The following CREB3L2 variants were observed in gnomAD, a reference collection of about 807,000 sequenced individuals.
The protein encoded by CREB3L2 is cyclic AMP-responsive element-binding protein 3-like protein 2.
CREB3L2 carries 23 observed loss-of-function variants against 57.2 expected under a neutral mutation model. The ratio of observed to expected loss-of-function variants is 0.40; its 90% CI spans 0.29 to 0.57. The LOEUF (loss-of-function observed/expected upper bound fraction) is 0.57. Among genes scored for constraint, CREB3L2 ranks in the 20% least tolerant of loss-of-function variants. The pLI, the probability that CREB3L2 is intolerant of heterozygous loss-of-function variation, is 0.42. For synonymous variants in CREB3L2, 268 were observed against 265.1 expected (o/e 1.01, Z -0.11); for missense variants, 628 against 634.7 (o/e 0.99, Z 0.11).
intron 1 of CREB3L2, among the ~76,000 whole-genome samples, chr7:137,942,391 C>A (rs1423896543): frequency 6.6e-6 from 1 of 152,152 alleles, no homozygotes; most frequent in Non-Finnish European, 1.5e-5. Context: ...GAGCCACAGT[C>A]CTGTCATCCC....
intron 2 of CREB3L2, chr7:137,922,441 T>TATATATATACAC (rs1800342303): frequency 9.8e-6 from 1 of 101,754 alleles, no homozygotes; most frequent in Non-Finnish European, 1.7e-5. Flanking sequence ...TATATACGTA[T>TATATATATACAC]ATATATATAT....
chr7:137,991,571 C>A (rs1242842511), intron 1 of CREB3L2, among the ~76,000 whole-genome samples: 1 of 152,092 alleles, frequency 6.6e-6, no homozygotes, highest in Non-Finnish European at 1.5e-5. Context: ...ACAAAGTGAT[C>A]ACCAAAGACG....
intron 1 of CREB3L2, among the ~76,000 whole-genome samples, chr7:137,930,927 T>TA (rs34350375): frequency 0.47 from 67,652 of 144,224 alleles, 17,346 homozygotes; most frequent in East Asian, 0.79. Flanking sequence ...TCATTCCTTT[T>TA]AAAAAAAAAA....
intron 1 of CREB3L2, among the ~76,000 whole-genome samples, chr7:137,985,650 T>G (rs1338863004): frequency 6.6e-6 from 1 of 152,200 alleles, no homozygotes; most frequent in Non-Finnish European, 1.5e-5. Context: ...AGATGGTGTT[T>G]CAGGAAATGA....
chr7:137,992,609 T>C (rs1313971569), intron 1 of CREB3L2, among the ~76,000 whole-genome samples: 2 of 151,996 alleles, frequency 1.3e-5, no homozygotes, highest in Non-Finnish European at 2.9e-5. Context: ...ATAACAAGTA[T>C]AAAAAACTGA....
intron 1 of CREB3L2, among the ~76,000 whole-genome samples, chr7:137,942,937 G>A (rs769846122): frequency 2.0e-5 from 3 of 152,194 alleles, no homozygotes; most frequent in Non-Finnish European, 4.4e-5. Flanking sequence ...CAATAATGAT[G>A]CAATGCCTCG....
At chr7:137,977,624 T>C (rs1463497919) in intron 1 of CREB3L2, among the ~76,000 whole-genome samples, 2 of 152,122 alleles carry the variant, frequency 1.3e-5, no homozygotes. Flanking sequence ...TTGTTTTGTT[T>C]AAAAAGAAAT....
rs536074022 is a variant in CREB3L2, at chr7:137,883,502, G to T, written c.1271-874C>A. Among the ~76,000 whole-genome samples, 28 of 152,302 alleles carry T rather than the reference G, an allele frequency of 1.8e-4. No individual in the cohort carries two copies. In the South Asian group the frequency reaches 5.6e-3, roughly 30 times the overall value. On this transcript the variant is annotated intron_variant, in intron 10 of 11. Coordinates refer to ENST00000330387, the MANE Select transcript of CREB3L2 (RefSeq NM_194071.4). ...GGGTTTATATATGGGCATATAGCAT[G>T]TAGGGTTCATATGCCTTTTCCTATA... is the stretch of plus-strand genomic sequence containing the variant.
At chr7:137,952,670 G>A (rs1206093448) in intron 1 of CREB3L2, among the ~76,000 whole-genome samples, 1 of 152,152 alleles carries the variant, frequency 6.6e-6, no homozygotes, top group African/African-American at 2.4e-5. Flanking sequence ...ACACCTAGAA[G>A]GAAGTGCTCA....
At chr7:137,931,597 C>T (rs1385053520) in intron 1 of CREB3L2, among the ~76,000 whole-genome samples, 1 of 151,258 alleles carries the variant, frequency 6.6e-6, no homozygotes, top group African/African-American at 2.4e-5. Flanking sequence ...TCTGGGAGGC[C>T]GAGGAAGGTG....
chr7:137,942,233 G>A (rs975798246), intron 1 of CREB3L2, among the ~76,000 whole-genome samples: 1 of 152,186 alleles, frequency 6.6e-6, no homozygotes, highest in African/African-American at 2.4e-5. Flanking sequence ...AAGCTGAACT[G>A]CACTATCAAG....
At chr7:137,963,894 A>C (rs1395925153) in intron 1 of CREB3L2, among the ~76,000 whole-genome samples, 2 of 152,166 alleles carry the variant, frequency 1.3e-5, no homozygotes, top group African/African-American at 2.4e-5. Context: ...ATATCTGTTG[A>C]AGAAAGAAAG....
chr7:137,989,118 C>T (rs1213830568), intron 1 of CREB3L2, among the ~76,000 whole-genome samples: 1 of 152,170 alleles, frequency 6.6e-6, no homozygotes, highest in Non-Finnish European at 1.5e-5. Flanking sequence ...CCAAAAAAAT[C>T]AAAAGAGGCA....
At chr7:137,881,819 T>A (rs1799298566) in intron 11 of CREB3L2, among the ~76,000 whole-genome samples, 1 of 152,212 alleles carries the variant, frequency 6.6e-6, no homozygotes, top group African/African-American at 2.4e-5. Flanking sequence ...TCCCAGAAAC[T>A]GAGAAACAAC....
At chr7:137,892,110 A>T (rs532574394) in intron 8 of CREB3L2, among the ~76,000 whole-genome samples, 1 of 152,272 alleles carries the variant, frequency 6.6e-6, no homozygotes, top group South Asian at 2.1e-4. Context: ...TTGTGAAATC[A>T]ATTGGGTTGT....
chr7:137,972,720 TATATATATATATATATAG>T (rs1563270171), intron 1 of CREB3L2, among the ~76,000 whole-genome samples: 23 of 30,274 alleles, frequency 7.6e-4, no homozygotes, highest in African/African-American at 3.8e-3. Context: ...AAAATATATA[TATATATATATATATATAG>T]AGAGAGAGAG....
intron 1 of CREB3L2, among the ~76,000 whole-genome samples, chr7:137,964,363 T>C (rs1394336297): frequency 6.6e-6 from 1 of 152,126 alleles, no homozygotes; most frequent in Non-Finnish European, 1.5e-5. Context: ...AAACAAACCC[T>C]TGCTTAACCC....
At chr7:137,920,317 C>T (rs1324686123) in intron 2 of CREB3L2, among the ~76,000 whole-genome samples, 1 of 152,156 alleles carries the variant, frequency 6.6e-6, no homozygotes, top group Admixed American at 6.5e-5. Context: ...TTGCCATCAG[C>T]ATGAGAAGAA....
chr7:137,962,447 G>A (rs940069900), intron 1 of CREB3L2, among the ~76,000 whole-genome samples: 3 of 151,788 alleles, frequency 2.0e-5, no homozygotes, highest in South Asian at 2.1e-4. Context: ...GCTTCTTCCC[G>A]CACCATCCTC....
Sources: gnomAD v4.1 joint callset for allele counts (sites outside exome capture counted in the v4.1 genomes callset) on GRCh38, gnomAD v4.1.1 for gene constraint, MANE v1.5 for transcripts, NCBI Gene and HGNC (gene_info 2026-07-23, HGNC 2026-07-21) for gene names.